Variants in MIPEP observed in about 807,000 individuals in gnomAD.
MIPEP encodes the protein mitochondrial intermediate peptidase.
A neutral mutation model predicts 90.3 loss-of-function variants in MIPEP; 79 were observed. The ratio of observed to expected loss-of-function variants is 0.87; its 90% confidence interval spans 0.73 to 1.05. MIPEP has a LOEUF of 1.05. Ranked by LOEUF, MIPEP falls within the 50% of genes least tolerant of loss-of-function variation. The pLI is 0.00. For synonymous variants in MIPEP, 334 were observed against 315.8 expected (o/e 1.06, Z -0.61); for missense variants, 940 against 905.6 (o/e 1.04, Z -0.49).
chr13:23,841,328 A>T lies in MIPEP; in HGVS notation c.1260+7T>A, dbSNP rs781665982. 18 of 1,606,078 alleles carry T rather than the reference A, an allele frequency of 1.1e-5. No homozygotes were observed. Among genetic ancestry groups the T allele is most frequent in the Non-Finnish European group, 1.5e-5 (18 of 1,177,352 alleles). On this transcript the variant is annotated splice_region_variant and intron_variant, in intron 11 of 18. Coordinates refer to ENST00000382172, the MANE Select transcript of MIPEP (RefSeq NM_005932.4). ...CTGCAACTGCAGGCTGAGCAGGAGGAGCTCACCAGTTTTCGGACATCTTCG... is the reference window on the plus strand; with the variant it reads ...CTGCAACTGCAGGCTGAGCAGGAGGTGCTCACCAGTTTTCGGACATCTTCG...
chr13:23,844,584 C>A (rs193085589), intron 10 of MIPEP, among the ~76,000 whole-genome samples: 5 of 152,202 alleles, frequency 3.3e-5, no homozygotes, highest in African/African-American at 1.2e-4. Context: ...AAAAGCAATT[C>A]ATTTTTTTGT....
chr13:23,833,614 A>G (rs921072380), intron 14 of MIPEP, among the ~76,000 whole-genome samples: 8 of 152,222 alleles, frequency 5.3e-5, no homozygotes, highest in Non-Finnish European at 7.3e-5. Flanking sequence ...TGCACCTTAC[A>G]TCACACTTGG....
chr13:23,856,535 G>C (rs1489037450), intron 10 of MIPEP, among the ~76,000 whole-genome samples: 1 of 152,184 alleles, frequency 6.6e-6, no homozygotes, highest in Non-Finnish European at 1.5e-5. Flanking sequence ...ATTGGGGGTA[G>C]ATTATTCAGA....
At chr13:23,873,090 G>A (rs1296595229) in intron 5 of MIPEP, among the ~76,000 whole-genome samples, 8 of 152,274 alleles carry the variant, frequency 5.3e-5, no homozygotes, top group South Asian at 4.1e-4. Context: ...AAATACGTTC[G>A]GATGAATACA....
chr13:23,831,630 G>A (rs1344879827), intron 14 of MIPEP, among the ~76,000 whole-genome samples: 3 of 152,062 alleles, frequency 2.0e-5, no homozygotes, highest in South Asian at 2.1e-4. Flanking sequence ...AGGCAACCTC[G>A]CTTCATAACA....
chr13:23,812,967 T>C (rs1003684631), intron 14 of MIPEP, among the ~76,000 whole-genome samples: 2 of 152,130 alleles, frequency 1.3e-5, no homozygotes, highest in African/African-American at 4.8e-5. Flanking sequence ...AAAATACACA[T>C]ATTGTGTGTG....
chr13:23,834,430 G>A (rs575573680), intron 14 of MIPEP, among the ~76,000 whole-genome samples: 2 of 152,238 alleles, frequency 1.3e-5, no homozygotes, highest in East Asian at 1.9e-4. Flanking sequence ...CTTTGCCTTC[G>A]GGCGGTAACA....
At chr13:23,760,773 T>C (rs933830286) in intron 16 of MIPEP, among the ~76,000 whole-genome samples, 2 of 152,238 alleles carry the variant, frequency 1.3e-5, no homozygotes, top group African/African-American at 2.4e-5. Flanking sequence ...CACATAAATA[T>C]AATCATATAT....
intron 18 of MIPEP, among the ~76,000 whole-genome samples, chr13:23,750,237 T>C (rs1952428095): frequency 6.6e-6 from 1 of 152,156 alleles, no homozygotes; most frequent in Non-Finnish European, 1.5e-5. Context: ...AAACCAGTAT[T>C]GACAGAATAT....
In MIPEP at chr13:23,841,395, A is replaced by G. The variant is rs2137463390; in HGVS notation, c.1200T>C (p.Ile400=). ...LNILLNRLLG[I]SLYAEQPAKG... ...TTGCAGGCTGCTCTGCATATAATGAAATCCCCAACAGTCTGTTAAGCAAAA... is the reference window on the plus strand; with the variant it reads ...TTGCAGGCTGCTCTGCATATAATGAGATCCCCAACAGTCTGTTAAGCAAAA... The change falls in exon 11 of 19, where the codon ATT becomes ATC. Residue 400 remains isoleucine (I), a synonymous_variant. Coordinates refer to ENST00000382172, the MANE Select transcript of MIPEP (RefSeq NM_005932.4). 1 of 1,614,068 alleles carries G rather than the reference A, an allele frequency of 6.2e-7. No homozygotes were observed. Among genetic ancestry groups the G allele is most frequent in the East Asian group, 2.2e-5 (1 of 44,880 alleles).
intron 16 of MIPEP, among the ~76,000 whole-genome samples, chr13:23,778,171 G>C (rs1042758626): frequency 2.0e-5 from 3 of 152,006 alleles, no homozygotes. Context: ...GAGAAAGTCT[G>C]GTTCACTTTT....
intron 16 of MIPEP, among the ~76,000 whole-genome samples, chr13:23,785,405 C>T (rs935931712): frequency 5.3e-5 from 8 of 150,444 alleles, no homozygotes; most frequent in East Asian, 3.9e-4. Context: ...AACCAAACAC[C>T]GCATGTTCTC....
At chr13:23,877,432 T>C (rs888153186) in intron 4 of MIPEP, among the ~76,000 whole-genome samples, 2 of 152,238 alleles carry the variant, frequency 1.3e-5, no homozygotes, top group African/African-American at 4.8e-5. Context: ...TTCTGGAGAA[T>C]GTGCTTATTA....
Position 23,731,392 on chromosome 13 carries a change from T to C in MIPEP, c.2045-947A>G, listed in dbSNP as rs146091123. Among the ~76,000 whole-genome samples, 113 of 152,286 alleles carry C rather than the reference T, an allele frequency of 7.4e-4. No individual in the cohort carries two copies. The Middle Eastern group carries it at 0.01, about 14-fold the overall frequency. ...GTCATGGGCATACAGGTGGGCAGGC[T>C]CAGTCACAACATGAAGAGTGAGAGT... On this transcript the variant is annotated intron_variant, in intron 18 of 18. Coordinates refer to ENST00000382172, the MANE Select transcript of MIPEP (RefSeq NM_005932.4).
intron 14 of MIPEP, among the ~76,000 whole-genome samples, chr13:23,822,661 C>T (rs1261049535): frequency 6.6e-6 from 1 of 152,136 alleles, no homozygotes; most frequent in Admixed American, 6.5e-5. Context: ...AGAGAGGACT[C>T]CCAGTGCTCA....
chr13:23,748,521 G>A lies in MIPEP; in HGVS notation c.2044+8024C>T, dbSNP rs146388964. On this transcript the variant is annotated intron_variant, in intron 18 of 18. Transcript: ENST00000382172. ...GAGAATGTCTGACTACAGGGGAAACGAAGAGACTCTATTCATAAATGTTTA... is the reference window on the plus strand; with the variant it reads ...GAGAATGTCTGACTACAGGGGAAACAAAGAGACTCTATTCATAAATGTTTA... 2.7e-3 allele frequency among the ~76,000 whole-genome samples: 410 copies of A among 152,290 alleles called. 4 individuals carry two copies. Among genetic ancestry groups the A allele is most frequent in the Middle Eastern group, 0.02 (6 of 294 alleles).
At chr13:23,794,531 T>C (rs762050229) in intron 16 of MIPEP, among the ~76,000 whole-genome samples, 3 of 152,044 alleles carry the variant, frequency 2.0e-5, no homozygotes, top group Non-Finnish European at 2.9e-5. Context: ...CTTCCTGAAA[T>C]AGAAACAGCC....
chr13:23,764,167 C>T (rs956689815), intron 16 of MIPEP, among the ~76,000 whole-genome samples: 1 of 152,170 alleles, frequency 6.6e-6, no homozygotes, highest in Non-Finnish European at 1.5e-5. Context: ...TTGTAGTTTT[C>T]CTTTTATTAC....
chr13:23,852,011 A>G (rs1399012884), intron 10 of MIPEP, among the ~76,000 whole-genome samples: 4 of 152,264 alleles, frequency 2.6e-5, no homozygotes. Context: ...AAATGATGCC[A>G]CAAGGAAGCA....
Sources: allele counts gnomAD v4.1 joint callset (sites outside exome capture counted in the v4.1 genomes callset), GRCh38; gene constraint gnomAD v4.1.1; transcripts MANE v1.5; gene names NCBI Gene and HGNC (gene_info 2026-07-23, HGNC 2026-07-21).